Variants in TG observed in about 807,000 individuals in gnomAD.
TG encodes the protein thyroid hormones.
In TG, 270 loss-of-function variants were observed where a neutral mutation model predicts 324.7. The observed-to-expected ratio is 0.83, with a 90% CI of 0.75 to 0.92. The LOEUF is 0.92. TG is among the 40% of genes least tolerant of loss of function. The probability of loss-of-function intolerance (pLI) is 0.00; values close to 1 mark genes in which losing one functional copy is unlikely to be tolerated. For synonymous variants in TG, 1,401 were observed against 1,327.0 expected (o/e 1.06, Z -1.21); for missense variants, 3,591 against 3,456.4 (o/e 1.04, Z -0.98).
At position 133,113,581 on chromosome 8, in the gene TG, C is replaced by G. The variant is rs149730707; in HGVS notation, c.7732C>G (p.Arg2578Gly). ...HSTDDYASFS[R>G]ALENATRDYF... ...CACGGATGACTATGCCTCCTTCTCC[C>G]GGGCTCTGGAGAATGCCACCCGGTA... is the stretch of plus-strand genomic sequence containing the variant. Residue 2578 changes from arginine to glycine, a missense_variant, in exon 44 of 48, where the codon CGG becomes GGG. Arg to Gly is a moderately radical substitution (Grantham distance 125). Coordinates refer to ENST00000220616, the MANE Select transcript of TG (RefSeq NM_003235.5). 6.2e-7 allele frequency: 1 copy of G among 1,613,984 alleles called. No individual in the cohort carries two copies. The highest frequency in any genetic ancestry group is 1.3e-5 in the African/African-American group (1 of 74,902).
intron 23 of TG, among the ~76,000 whole-genome samples, chr8:132,932,523 A>T (rs956508831): frequency 3.9e-5 from 6 of 152,246 alleles, no homozygotes; most frequent in African/African-American, 1.4e-4. Flanking sequence ...TGCAAAAATC[A>T]GTATTAATAA....
At chr8:133,088,584 G>A (rs567291487) in intron 41 of TG, among the ~76,000 whole-genome samples, 100 of 152,236 alleles carry the variant, frequency 6.6e-4, no homozygotes, top group South Asian at 2.9e-3. Flanking sequence ...AAATGATGTG[G>A]CCCTTAGAAG....
chr8:132,867,761 C>G (rs563511234), intron 1 of TG, among the ~76,000 whole-genome samples: 2 of 147,816 alleles, frequency 1.4e-5, no homozygotes, highest in African/African-American at 5.0e-5. Context: ...TCCAAATAGC[C>G]TCATGGGAAT....
At chr8:132,956,923 T>C (rs1264501175) in intron 27 of TG, among the ~76,000 whole-genome samples, 3 of 152,004 alleles carry the variant, frequency 2.0e-5, no homozygotes, top group African/African-American at 7.3e-5. Context: ...TCTGAATGCA[T>C]GTGGAGACTG....
intron 41 of TG, among the ~76,000 whole-genome samples, chr8:133,060,828 C>A (rs1204258877): frequency 6.6e-6 from 1 of 152,270 alleles, no homozygotes; most frequent in African/African-American, 2.4e-5. Context: ...GTGAGGGAAA[C>A]TGAGTCTCAG....
intron 46 of TG, among the ~76,000 whole-genome samples, chr8:133,133,077 A>G (rs1387369576): frequency 6.6e-6 from 1 of 152,118 alleles, no homozygotes; most frequent in African/African-American, 2.4e-5. Context: ...TGGCCTACAG[A>G]TTCACCCTCC....
At chr8:132,941,721 T>A (rs915578160) in intron 26 of TG, among the ~76,000 whole-genome samples, 179 bp downstream of exon 26, 33 of 152,248 alleles carry the variant, frequency 2.2e-4, no homozygotes, top group African/African-American at 8.0e-4. Context: ...ATTCCACATG[T>A]TGCACACTGT....
chr8:133,071,259 T>C (rs746967899), intron 41 of TG, among the ~76,000 whole-genome samples: 4 of 152,200 alleles, frequency 2.6e-5, no homozygotes, highest in Non-Finnish European at 5.9e-5. Context: ...CGCTGAGGCC[T>C]TTTGTCTAAC....
Position 132,941,497 on chromosome 8 carries a change from C to T in TG, c.5188C>T (p.Arg1730Cys), listed in dbSNP as rs200793895. The change falls in exon 26 of 48, where the codon CGT becomes TGT. Residue 1730 changes from arginine (R) to cysteine (C), a missense_variant. Coordinates refer to ENST00000220616, the MANE Select transcript of TG (RefSeq NM_003235.5). Reference sequence around the variant, plus strand: ...CCTCTTCTGTCTTCTTGCATGCGACCGTGATCTGTGTTGCGATGGCTTCGT... The same window carrying T: ...CCTCTTCTGTCTTCTTGCATGCGACTGTGATCTGTGTTGCGATGGCTTCGT... The part of the protein sequence containing the change: ...AHLFCLLACD[R>C]DLCCDGFVLT... The T allele has an allele frequency of 6.6e-5, 107 of 1,614,160 alleles. No individual in the cohort carries two copies. Among genetic ancestry groups the T allele is most frequent in the Middle Eastern group, 1.6e-4 (1 of 6,062 alleles).
intron 41 of TG, chr8:133,046,403 A>T (rs557490708): frequency 6.6e-6 from 1 of 152,296 alleles, no homozygotes; most frequent in South Asian, 2.1e-4. Context: ...CTGGGGTGTG[A>T]CCCTTGTCCT....
chr8:132,982,004 A>G (rs1587672634), intron 34 of TG, among the ~76,000 whole-genome samples: 1 of 152,206 alleles, frequency 6.6e-6, no homozygotes, highest in African/African-American at 2.4e-5. Flanking sequence ...ATGGCTTTTC[A>G]TGGAGACACA....
At chr8:133,129,273 A>G (rs2130373937) in intron 45 of TG, among the ~76,000 whole-genome samples, 1 of 152,358 alleles carries the variant, frequency 6.6e-6, no homozygotes, top group African/African-American at 2.4e-5. Flanking sequence ...CTGGAATGCC[A>G]GGACTTTCCC....
At chr8:132,868,714 G>T (rs193037498) in intron 2 of TG, among the ~76,000 whole-genome samples, 2 of 152,122 alleles carry the variant, frequency 1.3e-5, no homozygotes, top group Admixed American at 1.3e-4. Flanking sequence ...CTTCTGGGTC[G>T]CTGTCTCCAC....
intron 23 of TG, among the ~76,000 whole-genome samples, chr8:132,931,081 G>A (rs1383985580): frequency 6.6e-6 from 1 of 152,228 alleles, no homozygotes; most frequent in East Asian, 1.9e-4. Flanking sequence ...GAGGCCAGAA[G>A]TCCAGGATCA....
intron 41 of TG, among the ~76,000 whole-genome samples, chr8:133,058,451 A>G (rs1487459386): frequency 2.0e-5 from 3 of 152,224 alleles, no homozygotes; most frequent in African/African-American, 7.2e-5. Flanking sequence ...GTTGAAGGCA[A>G]ATGAGCAAGC....
At position 133,133,388 on chromosome 8, in the gene TG, G is replaced by T. The variant is rs895226219; in HGVS notation, c.7998-82G>T. 11 of 1,348,988 alleles carry T rather than the reference G, an allele frequency of 8.2e-6. No individual in the cohort carries two copies. The East Asian group carries it at 2.3e-4, about 28-fold the overall frequency. The allele number at this position is 1,348,988 out of a possible 1,614,324, so 83.6% of individuals were successfully genotyped here. On this transcript the variant is annotated intron_variant, in intron 46 of 47. Transcript: ENST00000220616. The stretch of plus-strand genomic sequence containing the variant: ...ATACATGAATTGTCCCTCAGATACC[G>T]AGTGCAAGTGGGAAGTGATTCAGGT...
chr8:132,925,383 T>A (rs554171161), intron 22 of TG, among the ~76,000 whole-genome samples: 79 of 152,314 alleles, frequency 5.2e-4, no homozygotes, highest in African/African-American at 1.9e-3. Context: ...ATAGCCTACC[T>A]GTCCTCCAGG....
chr8:132,935,642 A>G (rs1398548466), intron 24 of TG, 114 bp from the exon 25 acceptor site: 11 of 920,530 alleles, frequency 1.2e-5, no homozygotes, highest in Non-Finnish European at 1.7e-5. Flanking sequence ...ACCAGGAGCA[A>G]CTAACTTACC....
At chr8:132,997,943 T>A (rs960751369) in intron 35 of TG, among the ~76,000 whole-genome samples, 6 of 152,166 alleles carry the variant, frequency 3.9e-5, no homozygotes, top group African/African-American at 1.2e-4. Flanking sequence ...AACTTTGGGT[T>A]AAAGTGTTTT....
Sources: gnomAD v4.1 joint callset for allele counts (sites outside exome capture counted in the v4.1 genomes callset) on GRCh38, gnomAD v4.1.1 for gene constraint, MANE v1.5 for transcripts, NCBI Gene and HGNC (gene_info 2026-07-23, HGNC 2026-07-21) for gene names.